Variants in SYNRG observed in about 807,000 individuals in gnomAD.
SYNRG encodes the protein AP1 gamma subunit binding protein 1.
Under a neutral mutation model 130.9 loss-of-function variants are expected in SYNRG, and 37 were observed. That is an observed-to-expected ratio of 0.28 (90% CI 0.22 to 0.37). The LOEUF (loss-of-function observed/expected upper bound fraction) is 0.37. SYNRG is among the 10% of genes least tolerant of loss of function. SYNRG has a pLI of 1.00. For missense variants in SYNRG, 1,338 were observed against 1,588.9 expected (o/e 0.84, Z 2.68); for synonymous variants, 539 against 568.1 (o/e 0.95, Z 0.73).
chr17:37,584,168 A>G (rs2061530262), intron 6 of SYNRG, among the ~76,000 whole-genome samples: 1 of 152,222 alleles, frequency 6.6e-6, no homozygotes, highest in South Asian at 2.1e-4. Context: ...GATAAAAATT[A>G]CAAAGAAATG....
intron 17 of SYNRG, 128 bp downstream of exon 17, chr17:37,539,064 C>G: frequency 6.7e-7 from 1 of 1,491,188 alleles, no homozygotes; most frequent in Non-Finnish European, 8.9e-7. Flanking sequence ...CACAGAGTTA[C>G]TCTTTGCCCA....
rs182713581 is a variant in SYNRG at position 37,579,263 on chromosome 17, A to G, written c.590-1650T>C. On this transcript the variant is annotated intron_variant, in intron 6 of 21. Coordinates refer to ENST00000612223, the MANE Select transcript of SYNRG (RefSeq NM_007247.6). ...CTGTGTCCCAGCCTTCTGTGTATGC[A>G]ACTGGCCAAGTGGGGTGGAGGGGTG... 7.0e-4 allele frequency: 913 copies of G among 1,301,458 alleles called. 5 individuals are homozygous for G. The East Asian group carries it at 0.015, about 22-fold the overall frequency. The allele number at this position is 1,301,458 out of a possible 1,614,324, so 80.6% of individuals were successfully genotyped here. A position where few individuals can be genotyped will look rare whatever the true frequency, so the allele number is the denominator to read the frequency against.
chr17:37,558,310 G>A (rs986271506), intron 13 of SYNRG, among the ~76,000 whole-genome samples: 3 of 152,134 alleles, frequency 2.0e-5, no homozygotes, highest in African/African-American at 7.2e-5. Flanking sequence ...CCTAGCAGAA[G>A]AGTAGAAATA....
intron 11 of SYNRG, among the ~76,000 whole-genome samples, chr17:37,563,035 C>T (rs2059659653): frequency 6.6e-6 from 1 of 152,030 alleles, no homozygotes; most frequent in South Asian, 2.1e-4. Flanking sequence ...TGAACTACTG[C>T]TTGCTGATTA....
chr17:37,607,572 T>TG (rs1326302630), intron 1 of SYNRG, among the ~76,000 whole-genome samples: 1 of 152,158 alleles, frequency 6.6e-6, no homozygotes, highest in African/African-American at 2.4e-5. Flanking sequence ...GCGGATCACT[T>TG]GAGGCCAGGA....
At chr17:37,602,344 A>C (rs2063363186) in intron 1 of SYNRG, among the ~76,000 whole-genome samples, 2 of 152,110 alleles carry the variant, frequency 1.3e-5, no homozygotes, top group African/African-American at 4.8e-5. Context: ...TTTCAAAAAA[A>C]AAAAAAAATT....
intron 1 of SYNRG, 39 bp from the exon 2 acceptor site, chr17:37,600,442 T>C: frequency 6.2e-7 from 1 of 1,601,120 alleles, no homozygotes; most frequent in Non-Finnish European, 8.6e-7. Flanking sequence ...TCTTCGTATG[T>C]ACAAAGATTT....
At chr17:37,549,321 G>GT (rs765819782) in intron 14 of SYNRG, among the ~76,000 whole-genome samples, 23 of 151,954 alleles carry the variant, frequency 1.5e-4, no homozygotes, top group African/African-American at 2.9e-4. Flanking sequence ...TATTCTCAAG[G>GT]TTTTTTTACT....
chr17:37,585,549 T>C, intron 4 of SYNRG, 119 bp from the exon 5 acceptor site: 1 of 660,988 alleles, frequency 1.5e-6, no homozygotes, highest in Non-Finnish European at 2.6e-6. Flanking sequence ...TAAATTTCAT[T>C]GCTAAATATC....
chr17:37,603,338 T>A (rs920770301), intron 1 of SYNRG, among the ~76,000 whole-genome samples: 4 of 152,006 alleles, frequency 2.6e-5, no homozygotes, highest in African/African-American at 9.7e-5. Flanking sequence ...ACCTCATCTC[T>A]CCAAAATAAT....
At chr17:37,581,254 C>T (rs2061306309) in intron 6 of SYNRG, among the ~76,000 whole-genome samples, 1 of 150,828 alleles carries the variant, frequency 6.6e-6, no homozygotes, top group Admixed American at 6.6e-5. Context: ...GTTGCTTCTT[C>T]ACATTTATTA....
intron 6 of SYNRG, 103 bp downstream of exon 6, chr17:37,584,545 C>G (rs1397608677): frequency 1.1e-6 from 1 of 898,844 alleles, no homozygotes; most frequent in Non-Finnish European, 1.8e-6. Flanking sequence ...AGGAAGAGTT[C>G]TACATTGACT....
At chr17:37,605,778 A>C in intron 1 of SYNRG, 2 of 974,924 alleles carry the variant, frequency 2.1e-6, no homozygotes, top group Non-Finnish European at 2.4e-6. Context: ...ACTAATTCTT[A>C]TATTACTGAC....
intron 1 of SYNRG, among the ~76,000 whole-genome samples, 197 bp downstream of exon 1, chr17:37,609,082 A>G (rs531608906): frequency 3.9e-4 from 56 of 142,912 alleles, no homozygotes; most frequent in African/African-American, 1.3e-3. Context: ...GGCGCCCCCA[A>G]CTGATCCCGG....
chr17:37,568,165 C>G (rs2060137650), intron 11 of SYNRG: 1 of 152,396 alleles, frequency 6.6e-6, no homozygotes, highest in Non-Finnish European at 1.5e-5. Flanking sequence ...GATCACGCCA[C>G]TGCCCTCCAG....
At chr17:37,520,872 G>A (rs1044438571) in intron 19 of SYNRG, among the ~76,000 whole-genome samples, 1 of 152,162 alleles carries the variant, frequency 6.6e-6, no homozygotes, top group African/African-American at 2.4e-5. Flanking sequence ...TGAGAACTCA[G>A]TCTCAGGTGG....
At chr17:37,525,759 C>A (rs568897268) in intron 19 of SYNRG, among the ~76,000 whole-genome samples, 10 of 150,024 alleles carry the variant, frequency 6.7e-5, no homozygotes, top group South Asian at 4.1e-4. Flanking sequence ...CGAGGTCAGG[C>A]TTTGGAGACC....
Position 37,575,755 on chromosome 17 carries a change from T to C in SYNRG, c.901+586A>G, listed in dbSNP as rs28524536. Among the ~76,000 whole-genome samples, 1,024 of 151,342 alleles carry C rather than the reference T, an allele frequency of 6.8e-3. 13 individuals carry two copies. The highest frequency in any genetic ancestry group is 0.023 in the African/African-American group (965 of 41,196). On this transcript the variant is annotated intron_variant, in intron 8 of 21. Transcript: ENST00000612223. ...TACTTGAGAGGCTGAGGTGGGAGGATTGCCTGAGCCTGGGGAGGTCAAGGC... is the reference window on the plus strand; with the variant it reads ...TACTTGAGAGGCTGAGGTGGGAGGACTGCCTGAGCCTGGGGAGGTCAAGGC...
rs765409971 is a variant in SYNRG, at chr17:37,570,846, A to C, written c.1138T>G (p.Phe380Val). Residue 380 changes from phenylalanine (F) to valine (V), a missense_variant, in exon 10 of 22, where the codon TTC (phenylalanine) becomes GTC (valine). By Grantham distance (50) the Phe-to-Val change is conservative. This residue lies in a region of SYNRG where 1,146 missense variants were observed against 1,342.3 expected (regional missense o/e 0.85). Coordinates refer to ENST00000612223, the MANE Select transcript of SYNRG (RefSeq NM_007247.6). Reference protein sequence around the residue: ...PAMSPDALNQFPAAPIPTLSG... With the variant: ...PAMSPDALNQVPAAPIPTLSG... Reference sequence around the variant, plus strand: ...AAAGTTGGAATAGGAGCTGCTGGGAACTGGTTTAAAGCATCAGGACTCATT... The same window carrying C: ...AAAGTTGGAATAGGAGCTGCTGGGACCTGGTTTAAAGCATCAGGACTCATT... The C allele has an allele frequency of 1.1e-5, 18 of 1,614,204 alleles. No homozygotes were observed. The highest frequency in any genetic ancestry group is 1.4e-5 in the Non-Finnish European group (17 of 1,180,032).
Sources: allele counts gnomAD v4.1 joint callset (sites outside exome capture counted in the v4.1 genomes callset), GRCh38; gene constraint gnomAD v4.1.1; regional missense constraint gnomAD v4.1.1; transcripts MANE v1.5; gene names NCBI Gene and HGNC (gene_info 2026-07-23, HGNC 2026-07-21).